Variants in SNX13 observed in about 807,000 individuals in gnomAD.
The protein encoded by SNX13 is sorting nexin 13, also known as sorting nexin-13.
SNX13 carries 45 observed loss-of-function variants against 133.6 expected under a neutral mutation model. That is an observed-to-expected ratio of 0.34 (90% CI 0.27 to 0.43). SNX13 has a LOEUF of 0.43. SNX13 is among the 20% of genes least tolerant of loss of function. The pLI is 1.00. For synonymous variants in SNX13, 414 were observed against 373.9 expected, an observed-to-expected ratio of 1.11 and a Z score of -1.24; for missense variants, 1,032 against 1,145.1, an observed-to-expected ratio of 0.90 and a Z score of 1.43.
chr7:17,850,779 AAAT>A, intron 10 of SNX13, 44 bp downstream of exon 10: 1 of 1,365,208 alleles, frequency 7.3e-7, no homozygotes, highest in Admixed American at 2.8e-5. Context: ...TTTGAAGATA[AAAT>A]AATACTTCAA....
At chr7:17,898,880 T>C (rs1797511791) in intron 1 of SNX13, 1 of 152,204 alleles carries the variant, frequency 6.6e-6, no homozygotes, top group African/African-American at 2.4e-5. Flanking sequence ...TGTTTTATTA[T>C]CCTTTTTCCA....
chr7:17,834,029 G>A (rs770326752), intron 15 of SNX13, 23 bp downstream of exon 15: 28 of 1,473,988 alleles, frequency 1.9e-5, no homozygotes, highest in Non-Finnish European at 2.5e-5. Context: ...TGCATATTAT[G>A]TGTAAAATGG....
intron 9 of SNX13, among the ~76,000 whole-genome samples, chr7:17,859,391 A>C (rs1792340555): frequency 6.6e-6 from 1 of 152,106 alleles, no homozygotes; most frequent in Non-Finnish European, 1.5e-5. Context: ...CATACTAGAG[A>C]AGTTAAAATT....
chr7:17,852,834 T>C (rs1388864336), intron 9 of SNX13, among the ~76,000 whole-genome samples: 1 of 152,218 alleles, frequency 6.6e-6, no homozygotes, highest in Non-Finnish European at 1.5e-5. Context: ...CATAAAGGAC[T>C]TGCTTTAGCT....
rs1734318374 is a variant in SNX13 at position 17,816,177 on chromosome 7, C to T, written c.1953+5G>A. 5 of 1,529,382 alleles carry T rather than the reference C, an allele frequency of 3.3e-6. No individual in the cohort carries two copies. Among genetic ancestry groups the T allele is most frequent in the Non-Finnish European group, 4.4e-6 (5 of 1,136,654 alleles). The allele number at this position is 1,529,382 out of a possible 1,614,324, so 94.7% of individuals were successfully genotyped here. A position where few individuals can be genotyped will look rare whatever the true frequency, so the allele number is the denominator to read the frequency against. ...ATCTGTGGATTATAGTAAACATGAG[C>T]TTACCTGCAAATATGCATTTAGATC... On this transcript the variant is annotated splice_donor_5th_base_variant and intron_variant, in intron 19 of 25. Transcript: ENST00000428135.
Position 17,822,200 on chromosome 7 carries a change from A to AT in SNX13, c.1706-553dup, listed in dbSNP as rs796136707. Among the ~76,000 whole-genome samples the AT allele has an allele frequency of 2.1e-3, 315 of 147,334 alleles. 1 individual carries two copies. Among genetic ancestry groups the AT allele is most frequent in the African/African-American group, 6.2e-3 (250 of 40,312 alleles). The stretch of plus-strand genomic sequence containing the variant: ...TTCACAAGTGCGGTTTATTCTGGGG[A>AT]TTTTTTTTTTTCAAAGCATTTTCGC... On this transcript the variant is annotated intron_variant, in intron 17 of 25. Transcript: ENST00000428135.
chr7:17,809,332 G>C (rs1785720602), intron 20 of SNX13, among the ~76,000 whole-genome samples: 2 of 135,686 alleles, frequency 1.5e-5, no homozygotes, highest in Non-Finnish European at 3.1e-5. Flanking sequence ...CTTAGTCTCT[G>C]ATAAAACAGA....
chr7:17,833,710 A>T (rs1184333441), intron 15 of SNX13, among the ~76,000 whole-genome samples: 1 of 151,748 alleles, frequency 6.6e-6, no homozygotes, highest in Non-Finnish European at 1.5e-5. Flanking sequence ...TACTTATTGC[A>T]TATTAAATCT....
chr7:17,903,330 A>G (rs1798039653), intron 1 of SNX13, among the ~76,000 whole-genome samples: 1 of 152,174 alleles, frequency 6.6e-6, no homozygotes, highest in Non-Finnish European at 1.5e-5. Context: ...TATATTTATA[A>G]TTTTCCCTAA....
rs1392716577 is a variant in SNX13, at chr7:17,865,456, A to G, written c.837+2951T>C. On this transcript the variant is annotated intron_variant, in intron 9 of 25. Transcript: ENST00000428135. Reference sequence around the variant, plus strand: ...AAAGATGTCTACAAGGAAAACTGTAAAACACTGATAAAAGAAATTGAATAA... The same window carrying G: ...AAAGATGTCTACAAGGAAAACTGTAGAACACTGATAAAAGAAATTGAATAA... Among the ~76,000 whole-genome samples, 20 of 152,180 alleles carry G rather than the reference A, an allele frequency of 1.3e-4. 1 individual carries two copies. The highest frequency in any genetic ancestry group is 1.3e-3 in the Admixed American group (20 of 15,274).
chr7:17,864,290 A>T (rs569430154), intron 9 of SNX13, among the ~76,000 whole-genome samples: 1 of 152,206 alleles, frequency 6.6e-6, no homozygotes, highest in Admixed American at 6.5e-5. Flanking sequence ...AAGATAACAA[A>T]GAGAAGGAAT....
intron 15 of SNX13, chr7:17,831,509 T>G: frequency 1.0e-6 from 1 of 984,234 alleles, no homozygotes; most frequent in Non-Finnish European, 1.2e-6. Context: ...ACCAGCTAAT[T>G]CTCTACCTAC....
chr7:17,827,479 T>G (rs1788037812), intron 16 of SNX13, among the ~76,000 whole-genome samples: 1 of 151,944 alleles, frequency 6.6e-6, no homozygotes, highest in Admixed American at 6.6e-5. Context: ...GTCACTTAAA[T>G]TAAGGCAATT....
intron 20 of SNX13, 100 bp from the exon 21 acceptor site, chr7:17,803,680 C>T (rs1485663902): frequency 2.9e-6 from 3 of 1,025,780 alleles, no homozygotes; most frequent in Non-Finnish European, 4.1e-6. Flanking sequence ...TGGAAAGATG[C>T]AGTAATTTTC....
At chr7:17,872,014 T>G (rs1200867644) in intron 8 of SNX13, among the ~76,000 whole-genome samples, 3 of 152,190 alleles carry the variant, frequency 2.0e-5, no homozygotes, top group African/African-American at 7.2e-5. Flanking sequence ...ACTTCCACTT[T>G]GGACATTTCA....
At chr7:17,918,428 T>A (rs1799780862) in intron 1 of SNX13, among the ~76,000 whole-genome samples, 1 of 125,788 alleles carries the variant, frequency 7.9e-6, no homozygotes, top group African/African-American at 2.9e-5. Flanking sequence ...TTAAGATGAA[T>A]CAACAAGAAA....
intron 11 of SNX13, among the ~76,000 whole-genome samples, chr7:17,848,409 T>C (rs1429669407): frequency 6.6e-6 from 1 of 152,146 alleles, no homozygotes; most frequent in Non-Finnish European, 1.5e-5. Context: ...CACAAAAGGC[T>C]TTCACACTGG....
chr7:17,857,584 G>A (rs1007878620), intron 9 of SNX13, among the ~76,000 whole-genome samples: 3 of 152,156 alleles, frequency 2.0e-5, no homozygotes, highest in Non-Finnish European at 4.4e-5. Context: ...AGGAGTTCAA[G>A]ACCAGCCTGG....
At chr7:17,840,975 C>T (rs1218489412) in intron 12 of SNX13, among the ~76,000 whole-genome samples, 2 of 152,038 alleles carry the variant, frequency 1.3e-5, no homozygotes, top group Non-Finnish European at 2.9e-5. Flanking sequence ...AGCACAACTG[C>T]AGCTACCATT....
Sources: gnomAD v4.1 joint callset for allele counts (sites outside exome capture counted in the v4.1 genomes callset) on GRCh38, gnomAD v4.1.1 for gene constraint, MANE v1.5 for transcripts, NCBI Gene and HGNC (gene_info 2026-07-23, HGNC 2026-07-21) for gene names.